Variants in BCKDHB observed in about 807,000 individuals in gnomAD.
BCKDHB encodes branched chain keto acid dehydrogenase E1 subunit beta.
In BCKDHB, 41 loss-of-function variants were observed where a neutral mutation model predicts 48.5. The observed-to-expected ratio is 0.85, with a 90% CI of 0.66 to 1.10. The LOEUF is 1.10. Among genes scored for constraint, BCKDHB ranks in the 50% least tolerant of loss-of-function variants. The pLI, the probability that BCKDHB is intolerant of heterozygous loss-of-function variation, is 0.00. For missense variants in BCKDHB, 496 were observed against 494.2 expected (o/e 1.00, Z -0.03); for synonymous variants, 201 against 174.8 (o/e 1.15, Z -1.18).
intron 9 of BCKDHB, among the ~76,000 whole-genome samples, chr6:80,322,913 T>TTTTTTTG (rs1768819907): frequency 7.9e-6 from 1 of 126,024 alleles, no homozygotes; most frequent in Non-Finnish European, 1.8e-5. Context: ...TTTTTTTTTT[T>TTTTTTTG]GCATACAGCA....
At chr6:80,156,189 TA>T (rs998940304) in intron 3 of BCKDHB, among the ~76,000 whole-genome samples, 1 of 151,978 alleles carries the variant, frequency 6.6e-6, no homozygotes, top group African/African-American at 2.4e-5. Flanking sequence ...CTGTCAACGA[TA>T]ATCTTGAGAA....
At chr6:80,226,896 T>C (rs184290252) in intron 8 of BCKDHB, among the ~76,000 whole-genome samples, 44 of 152,342 alleles carry the variant, frequency 2.9e-4, no homozygotes, top group African/African-American at 1.0e-3. Context: ...GAGAGGGATC[T>C]CTGGCCCTGG....
At chr6:80,113,932 T>G (rs1769547928) in intron 1 of BCKDHB, among the ~76,000 whole-genome samples, 1 of 152,182 alleles carries the variant, frequency 6.6e-6, no homozygotes, top group Non-Finnish European at 1.5e-5. Context: ...GAGGCTGAAG[T>G]GAAGTTACAA....
At position 80,301,905 on chromosome 6, in the gene BCKDHB, A is replaced by G. The variant is rs1304391372; in HGVS notation, c.1038+28684A>G. On this transcript the variant is annotated intron_variant, in intron 9 of 9. Coordinates refer to ENST00000320393, the MANE Select transcript of BCKDHB (RefSeq NM_183050.4). ...ACTAAAAGAATTACTGGGATAATCT[A>G]CTGATTACCTCAGTAGATGCAAAAA... Among the ~76,000 whole-genome samples, 10 of 152,112 alleles carry G rather than the reference A, an allele frequency of 6.6e-5. No homozygotes were observed. The East Asian group carries it at 1.9e-3, about 29-fold the overall frequency.
At chr6:80,253,720 C>T (rs1352295806) in intron 8 of BCKDHB, among the ~76,000 whole-genome samples, 2 of 151,762 alleles carry the variant, frequency 1.3e-5, no homozygotes, top group South Asian at 4.2e-4. Context: ...GATCTTTTGC[C>T]CCCCAAAGTC....
intron 9 of BCKDHB, among the ~76,000 whole-genome samples, chr6:80,284,663 G>A (rs1766541232): frequency 1.3e-5 from 2 of 152,068 alleles, no homozygotes; most frequent in African/African-American, 4.8e-5. Context: ...ATTCATGACT[G>A]TTCTTTAAAG....
At chr6:80,148,639 A>G (rs1771605319) in intron 3 of BCKDHB, among the ~76,000 whole-genome samples, 1 of 152,050 alleles carries the variant, frequency 6.6e-6, no homozygotes, top group Non-Finnish European at 1.5e-5. Context: ...TGATTTTCCA[A>G]AATAAAGCTC....
At chr6:80,446,306 G>A in the BCKDHB span, among the ~76,000 whole-genome samples, 1 of 152,250 alleles carries the variant, frequency 6.6e-6, no homozygotes, top group Admixed American at 6.5e-5. Context: ...ACGCATGAGA[G>A]TGGTTAGTTC....
chr6:80,406,622 T>G, the BCKDHB span, among the ~76,000 whole-genome samples: 1 of 152,270 alleles, frequency 6.6e-6, no homozygotes, highest in Admixed American at 6.5e-5. Flanking sequence ...ATGAGCATTT[T>G]TTCATGTGTC....
intron 9 of BCKDHB, among the ~76,000 whole-genome samples, chr6:80,279,196 C>T (rs1778095429): frequency 6.6e-6 from 1 of 152,016 alleles, no homozygotes; most frequent in Admixed American, 6.6e-5. Context: ...CTCCATCACC[C>T]AGGCTGGAGT....
chr6:80,284,736 T>C (rs1303312442), intron 9 of BCKDHB, among the ~76,000 whole-genome samples: 1 of 152,138 alleles, frequency 6.6e-6, no homozygotes, highest in African/African-American at 2.4e-5. Flanking sequence ...AAACCTATAT[T>C]TGTATCATCC....
At chr6:80,197,880 G>A (rs1774200476) in intron 6 of BCKDHB, among the ~76,000 whole-genome samples, 1 of 152,062 alleles carries the variant, frequency 6.6e-6, no homozygotes, top group Admixed American at 6.6e-5. Flanking sequence ...AGTGATATGT[G>A]TGTGCCTCTC....
At chr6:80,390,369 A>AATAC in the BCKDHB span, among the ~76,000 whole-genome samples, 1 of 152,200 alleles carries the variant, frequency 6.6e-6, no homozygotes, top group Non-Finnish European at 1.5e-5. Flanking sequence ...AGGCAAAGGG[A>AATAC]ATACAGAATG....
chr6:80,347,640 T>C (rs897426732), downstream of BCKDHB, among the ~76,000 whole-genome samples: 1 of 152,234 alleles, frequency 6.6e-6, no homozygotes, highest in Admixed American at 6.5e-5. Context: ...TTTAACTCTA[T>C]TTTTGAAATA....
At chr6:80,121,819 C>T (rs2127719311) in intron 1 of BCKDHB, among the ~76,000 whole-genome samples, 1 of 152,276 alleles carries the variant, frequency 6.6e-6, no homozygotes, top group South Asian at 2.1e-4. Context: ...ATTTTACTTC[C>T]TCTTTTCCTA....
chr6:80,209,023 G>C (rs147946213), intron 8 of BCKDHB, among the ~76,000 whole-genome samples: 27 of 151,954 alleles, frequency 1.8e-4, no homozygotes, highest in African/African-American at 6.0e-4. Context: ...TCACAAAGCA[G>C]TTGATACAAT....
intron 8 of BCKDHB, among the ~76,000 whole-genome samples, chr6:80,269,645 C>G (rs933235941): frequency 6.6e-6 from 1 of 151,890 alleles, no homozygotes; most frequent in Non-Finnish European, 1.5e-5. Flanking sequence ...TCTTTCCTGG[C>G]TTTGATAGGT....
At chr6:80,266,801 G>C (rs762542983) in intron 8 of BCKDHB, among the ~76,000 whole-genome samples, 5 of 152,054 alleles carry the variant, frequency 3.3e-5, no homozygotes, top group Non-Finnish European at 7.4e-5. Context: ...TTCCAGTCTT[G>C]AAGAGTTATT....
chr6:80,330,974 TCTA>T (rs1582580159), intron 9 of BCKDHB, among the ~76,000 whole-genome samples: 1 of 152,354 alleles, frequency 6.6e-6, no homozygotes, highest in South Asian at 2.1e-4. Context: ...AAAGCTGAAT[TCTA>T]GTAATTACCA....
Sources: allele counts gnomAD v4.1 joint callset (sites outside exome capture counted in the v4.1 genomes callset), GRCh38; gene constraint gnomAD v4.1.1; transcripts MANE v1.5; gene names NCBI Gene and HGNC (gene_info 2026-07-23, HGNC 2026-07-21).